Variants in PDE4D observed in about 807,000 individuals in gnomAD.
PDE4D encodes 3',5'-cyclic-AMP phosphodiesterase 4D.
In PDE4D, 24 loss-of-function variants were observed where a neutral mutation model predicts 87.4. The ratio of observed to expected loss-of-function variants is 0.27; its 90% CI spans 0.20 to 0.39. The LOEUF (loss-of-function observed/expected upper bound fraction) is 0.39, where lower values mean the gene tolerates loss of function less well. PDE4D is among the 10% of genes least tolerant of loss of function. PDE4D has a pLI of 1.00. For synonymous variants in PDE4D, 384 were observed against 383.2 expected, an observed-to-expected ratio of 1.00 and a Z score of -0.02; for missense variants, 714 against 1,041.0, an observed-to-expected ratio of 0.69 and a Z score of 4.32.
intron 1 of PDE4D, among the ~76,000 whole-genome samples, chr5:59,873,586 A>G (rs1748130892): frequency 6.6e-6 from 1 of 152,228 alleles, no homozygotes; most frequent in African/African-American, 2.4e-5. Context: ...ACTTTTACCT[A>G]TGAAGTTGGT....
chr5:60,502,377 G>C (rs921023126), intron 1 of PDE4D, among the ~76,000 whole-genome samples: 13 of 152,222 alleles, frequency 8.5e-5, no homozygotes, highest in African/African-American at 2.6e-4. Context: ...TGTTTTGGTA[G>C]CAGTACCATG....
intron 2 of PDE4D, among the ~76,000 whole-genome samples, chr5:60,182,906 A>C (rs1784488112): frequency 6.6e-6 from 1 of 152,058 alleles, no homozygotes; most frequent in Non-Finnish European, 1.5e-5. Flanking sequence ...AAGAATATCA[A>C]ACTCTCTTAT....
chr5:59,712,715 A>C (rs1052841470), intron 1 of PDE4D, among the ~76,000 whole-genome samples: 2 of 151,944 alleles, frequency 1.3e-5, no homozygotes, highest in Non-Finnish European at 2.9e-5. Flanking sequence ...GCAAAACACC[A>C]AACACAAAAT....
intron 1 of PDE4D, among the ~76,000 whole-genome samples, chr5:60,233,179 TCACACACACACACACATACA>T (rs1746011538): frequency 6.7e-6 from 1 of 148,194 alleles, no homozygotes; most frequent in South Asian, 2.1e-4. Context: ...GAGGTCGTTG[TCACACACACACACACATACA>T]CACACACACA....
At chr5:59,926,244 C>A (rs6859025) in intron 3 of PDE4D, among the ~76,000 whole-genome samples, 5,677 of 151,964 alleles carry the variant, frequency 0.037, 334 homozygotes, top group African/African-American at 0.13. Context: ...AGAAATTAAA[C>A]AATATGCTCC....
At chr5:60,472,158 T>A (rs1302106388) in intron 1 of PDE4D, among the ~76,000 whole-genome samples, 4 of 152,196 alleles carry the variant, frequency 2.6e-5, no homozygotes, top group Non-Finnish European at 4.4e-5. Context: ...GCTTACTATA[T>A]GTCAGAATGG....
intron 1 of PDE4D, among the ~76,000 whole-genome samples, chr5:60,296,576 A>G (rs73104783): frequency 0.087 from 13,318 of 152,212 alleles, 1,912 homozygotes; most frequent in African/African-American, 0.31. Flanking sequence ...TGGCGTATTT[A>G]AATTGTACAA....
intron 5 of PDE4D, among the ~76,000 whole-genome samples, chr5:59,106,629 G>A (rs1345148493): frequency 2.0e-5 from 3 of 152,064 alleles, no homozygotes; most frequent in East Asian, 1.9e-4. Flanking sequence ...GCGTGGTGGC[G>A]CATGACTGTA....
intron 1 of PDE4D, among the ~76,000 whole-genome samples, chr5:59,637,882 TATA>T (rs1740863642): frequency 6.6e-6 from 1 of 152,308 alleles, no homozygotes; most frequent in Non-Finnish European, 1.5e-5. Flanking sequence ...TAATATGGAC[TATA>T]ATAAGGTACT....
chr5:59,557,012 C>A (rs187458009), intron 1 of PDE4D, among the ~76,000 whole-genome samples: 101 of 152,232 alleles, frequency 6.6e-4, no homozygotes, highest in African/African-American at 2.1e-3. Context: ...TAATGAAATG[C>A]CATCTCTAAA....
chr5:58,975,283 C>T lies in PDE4D; in HGVS notation c.2014-203G>A, dbSNP rs1743426503. On this transcript the variant is annotated intron_variant, in intron 14 of 14. Transcript: ENST00000340635. This position sits in a 1 kb window ranked among gnomAD's most constrained non-coding sequence, Gnocchi z 4.2. The stretch of plus-strand genomic sequence containing the variant: ...AGCTGGTCAAAATTAGCTTCTAGAA[C>T]CTTTGGTTAAAGAGCATGTTCTATA... Among the ~76,000 whole-genome samples the T allele has an allele frequency of 6.6e-6, 1 of 150,572 alleles. No homozygotes were observed. The highest frequency in any genetic ancestry group is 1.5e-5 in the Non-Finnish European group (1 of 67,610).
chr5:59,808,579 C>T (rs565471558), intron 1 of PDE4D, among the ~76,000 whole-genome samples: 33 of 147,358 alleles, frequency 2.2e-4, no homozygotes, highest in African/African-American at 5.5e-4. Flanking sequence ...TGATCTATGA[C>T]GTTTGTGTGT....
At chr5:59,644,658 C>T (rs298027) in intron 1 of PDE4D, among the ~76,000 whole-genome samples, 116,621 of 152,134 alleles carry the variant, frequency 0.77, 44,909 homozygotes, top group South Asian at 0.91. Context: ...AGGTGAAATA[C>T]CCTGCCTATT....
intron 1 of PDE4D, among the ~76,000 whole-genome samples, chr5:60,212,806 A>C (rs1743402998): frequency 6.6e-6 from 1 of 152,228 alleles, no homozygotes; most frequent in African/African-American, 2.4e-5. Flanking sequence ...AGGGGTACAC[A>C]GAATTTTTGT....
intron 1 of PDE4D, among the ~76,000 whole-genome samples, chr5:59,715,728 G>A (rs1754918315): frequency 1.3e-5 from 2 of 152,228 alleles, no homozygotes; most frequent in Non-Finnish European, 1.5e-5. Flanking sequence ...CTATGACCAG[G>A]ATGGAAACGG....
At chr5:60,010,577 C>T (rs1272518382) in intron 2 of PDE4D, among the ~76,000 whole-genome samples, 2 of 152,060 alleles carry the variant, frequency 1.3e-5, no homozygotes, top group African/African-American at 4.8e-5. Flanking sequence ...CTCATACTTC[C>T]TCTTGCCTCA....
At position 59,984,792 on chromosome 5, in the gene PDE4D, C is replaced by T. The variant is rs1283770404; in HGVS notation, c.272+3696G>A. 2.6e-5 allele frequency among the ~76,000 whole-genome samples: 4 copies of T among 152,088 alleles called. No individual in the cohort carries two copies. In the East Asian group the frequency reaches 7.7e-4, roughly 29 times the overall value. ...TGGTACAAGTCTCTAGACCCACTGC[C>T]TGACACTTGACAAAGAAAGTATCTG... is the stretch of plus-strand genomic sequence containing the variant. On this transcript the variant is annotated intron_variant, in intron 3 of 16. Coordinates refer to the PDE4D transcript ENST00000502484.
intron 1 of PDE4D, among the ~76,000 whole-genome samples, chr5:60,502,084 A>G (rs1333709606): frequency 2.0e-5 from 3 of 151,954 alleles, no homozygotes; most frequent in African/African-American, 7.2e-5. Context: ...GCCCATGCCT[A>G]TGTCCTGAAT....
chr5:60,055,736 T>C (rs1770707200), intron 2 of PDE4D, among the ~76,000 whole-genome samples: 1 of 152,092 alleles, frequency 6.6e-6, no homozygotes, highest in Non-Finnish European at 1.5e-5. Flanking sequence ...ACTCAGTCAG[T>C]AAGTGGTAGA....
Sources: gnomAD v4.1 joint callset for allele counts (sites outside exome capture counted in the v4.1 genomes callset) on GRCh38, gnomAD v4.1.1 for gene constraint, Gnocchi (gnomAD v3.1) non-coding constraint, MANE v1.5 for transcripts, NCBI Gene and HGNC (gene_info 2026-07-23, HGNC 2026-07-21) for gene names.